SEMA6D: variants seen among roughly 807,000 people sequenced by gnomAD.
SEMA6D encodes semaphorin 6D.
A neutral mutation model predicts 106.6 loss-of-function variants in SEMA6D; 35 were observed. That is an observed-to-expected ratio of 0.33 (90% CI 0.25 to 0.44). SEMA6D has a LOEUF of 0.44. Among genes scored for constraint, SEMA6D ranks in the 20% least tolerant of loss-of-function variants. The pLI is 1.00. For synonymous variants in SEMA6D, 499 were observed against 487.7 expected, an observed-to-expected ratio of 1.02 and a Z score of -0.31; for missense variants, 1,185 against 1,345.9, an observed-to-expected ratio of 0.88 and a Z score of 1.87.
intron 1 of SEMA6D, among the ~76,000 whole-genome samples, chr15:47,736,540 T>G (rs758582629): frequency 2.0e-5 from 3 of 152,212 alleles, no homozygotes; most frequent in Admixed American, 6.5e-5. Flanking sequence ...GGAATTTACT[T>G]AAGGCTTAGT....
intron 1 of SEMA6D, among the ~76,000 whole-genome samples, chr15:47,217,216 C>T (rs2030703365): frequency 6.6e-6 from 1 of 152,066 alleles, no homozygotes; most frequent in Non-Finnish European, 1.5e-5. Context: ...GAAGCCATGT[C>T]AGACATTATG....
intron 1 of SEMA6D, among the ~76,000 whole-genome samples, chr15:47,294,155 C>T (rs558346344): frequency 1.3e-5 from 2 of 151,172 alleles, no homozygotes; most frequent in African/African-American, 4.8e-5. Flanking sequence ...CTTACAGTTC[C>T]GAAGGAAAAA....
chr15:47,334,170 C>T lies in SEMA6D; in HGVS notation c.-238-78223C>T, dbSNP rs190098918. ...CCAGATAGCTGAACATGTGGAGGTT[C>T]CTGGAGGGTGGTGCACCCAGGGAGG... On this transcript the variant is annotated intron_variant, in intron 1 of 19. Transcript: ENST00000558014. 7.6e-3 allele frequency among the ~76,000 whole-genome samples: 1,162 copies of T among 152,238 alleles called. 21 individuals are homozygous for T. The highest frequency in any genetic ancestry group is 0.027 in the African/African-American group (1,108 of 41,536).
At chr15:47,712,029 A>G (rs897064951) in intron 4 of SEMA6D, among the ~76,000 whole-genome samples, 2 of 152,222 alleles carry the variant, frequency 1.3e-5, no homozygotes, top group African/African-American at 4.8e-5. Flanking sequence ...GTTTATTTTA[A>G]TATAAATCTG....
intron 3 of SEMA6D, among the ~76,000 whole-genome samples, chr15:47,579,124 G>A (rs1468914271): frequency 6.8e-6 from 1 of 146,126 alleles, no homozygotes; most frequent in Middle Eastern, 3.2e-3. Context: ...CGTGAGTTGA[G>A]TGTCCAGAAA....
At chr15:47,675,539 C>T (rs1488015740) in intron 4 of SEMA6D, among the ~76,000 whole-genome samples, 1 of 152,162 alleles carries the variant, frequency 6.6e-6, no homozygotes, top group Non-Finnish European at 1.5e-5. Context: ...GCCTCCAGAA[C>T]TGTAAGAAAA....
chr15:47,422,322 T>G (rs1454172064), intron 2 of SEMA6D, among the ~76,000 whole-genome samples: 1 of 151,884 alleles, frequency 6.6e-6, no homozygotes, highest in Non-Finnish European at 1.5e-5. Flanking sequence ...CTTTAAGTGA[T>G]GAAGTATGTA....
chr15:47,626,297 C>G (rs1002393509), intron 4 of SEMA6D, among the ~76,000 whole-genome samples: 3 of 152,178 alleles, frequency 2.0e-5, no homozygotes, highest in African/African-American at 7.2e-5. Context: ...CCTGGATGTG[C>G]TTACTAAGAC....
At chr15:47,362,873 A>T (rs1000891519) in intron 1 of SEMA6D, among the ~76,000 whole-genome samples, 5 of 152,166 alleles carry the variant, frequency 3.3e-5, no homozygotes, top group Admixed American at 2.6e-4. Flanking sequence ...CAAAGGCAAC[A>T]GTGTCATGCT....
chr15:47,228,271 A>G (rs1428701264), intron 1 of SEMA6D, among the ~76,000 whole-genome samples: 2 of 151,602 alleles, frequency 1.3e-5, no homozygotes, highest in African/African-American at 2.4e-5. Context: ...CTGCTTTACC[A>G]GGAAGAACAT....
intron 1 of SEMA6D, among the ~76,000 whole-genome samples, chr15:47,747,288 T>TGGAC (rs2081198473): frequency 2.6e-5 from 4 of 152,196 alleles, no homozygotes; most frequent in African/African-American, 9.6e-5. Context: ...GAGCAGTGGT[T>TGGAC]CTGATCACAG....
At chr15:47,571,888 A>G (rs2046395075) in intron 3 of SEMA6D, among the ~76,000 whole-genome samples, 1 of 152,152 alleles carries the variant, frequency 6.6e-6, no homozygotes, top group South Asian at 2.1e-4. Context: ...ATTACCTGAA[A>G]CAAACAAAGA....
chr15:47,734,063 G>A (rs1358797628), intron 1 of SEMA6D, among the ~76,000 whole-genome samples: 1 of 152,142 alleles, frequency 6.6e-6, no homozygotes, highest in Non-Finnish European at 1.5e-5. Context: ...GTGATGGGGT[G>A]GGAAGGTTTA....
At chr15:47,624,021 C>T (rs2077158123) in intron 4 of SEMA6D, among the ~76,000 whole-genome samples, 2 of 152,188 alleles carry the variant, frequency 1.3e-5, no homozygotes, top group African/African-American at 4.8e-5. Flanking sequence ...CTGGCCCTGC[C>T]AGTCTCTCCA....
rs567410075 is a variant in SEMA6D at position 47,762,145 on chromosome 15, A to T, written c.539-55A>T. 58 of 1,608,922 alleles carry T rather than the reference A, an allele frequency of 3.6e-5. No individual in the cohort carries two copies. In the African/African-American group the frequency reaches 7.1e-4, roughly 20 times the overall value. ...AAGGGCATAACACGCTGCCAAAGCTAACACACTGCAGGATAATTATGGTTA... is the reference window on the plus strand; with the variant it reads ...AAGGGCATAACACGCTGCCAAAGCTTACACACTGCAGGATAATTATGGTTA... On this transcript the variant is annotated intron_variant, in intron 7 of 18. Transcript: ENST00000536845.
intron 1 of SEMA6D, among the ~76,000 whole-genome samples, chr15:47,408,245 T>G (rs2040662167): frequency 6.6e-6 from 1 of 152,144 alleles, no homozygotes; most frequent in African/African-American, 2.4e-5. Flanking sequence ...TTTGACCTGG[T>G]TTAAGTTATT....
At chr15:47,442,177 C>T (rs539926067) in intron 2 of SEMA6D, among the ~76,000 whole-genome samples, 57 of 152,104 alleles carry the variant, frequency 3.7e-4, no homozygotes, top group South Asian at 1.2e-3. Flanking sequence ...GTTTAAAATC[C>T]ATTAATAATA....
rs2082055608 is a variant in SEMA6D, at chr15:47,761,437, T to A, written c.447+6T>A. 6.3e-7 allele frequency: 1 copy of A among 1,588,264 alleles called. No homozygotes were observed. The highest frequency in any genetic ancestry group is 8.6e-7 in the Non-Finnish European group (1 of 1,163,296). On this transcript the variant is annotated splice_donor_region_variant and intron_variant, in intron 6 of 18. Coordinates refer to ENST00000536845, the MANE Select transcript of SEMA6D (RefSeq NM_001358351.3). ...CCATGTGTAGATACTACAGGGTAAGTATATTTTATGTGATATGCTTCTTTT... is the reference window on the plus strand; with the variant it reads ...CCATGTGTAGATACTACAGGGTAAGAATATTTTATGTGATATGCTTCTTTT...
At chr15:47,512,010 C>T (rs763536219) in intron 3 of SEMA6D, among the ~76,000 whole-genome samples, 3 of 152,150 alleles carry the variant, frequency 2.0e-5, no homozygotes, top group Non-Finnish European at 4.4e-5. Flanking sequence ...GGCATATTGC[C>T]TCACTTTTTT....
Sources: gnomAD v4.1 joint callset for allele counts (sites outside exome capture counted in the v4.1 genomes callset) on GRCh38, gnomAD v4.1.1 for gene constraint, MANE v1.5 for transcripts, NCBI Gene and HGNC (gene_info 2026-07-23, HGNC 2026-07-21) for gene names.